Variants in PIK3C2G observed in about 807,000 individuals in gnomAD.
PIK3C2G encodes phosphatidylinositol-4-phosphate 3-kinase catalytic subunit type 2 gamma.
PIK3C2G carries 168 observed loss-of-function variants against 181.1 expected under a neutral mutation model. That is an observed-to-expected ratio of 0.93 (90% CI 0.82 to 1.05). PIK3C2G has a LOEUF of 1.05. Ranked by LOEUF, PIK3C2G falls within the 50% of genes least tolerant of loss-of-function variation. The probability of loss-of-function intolerance (pLI) is 0.00; values close to 1 mark genes in which losing one functional copy is unlikely to be tolerated. For synonymous variants in PIK3C2G, 573 were observed against 592.2 expected, an observed-to-expected ratio of 0.97 and a Z score of 0.47; for missense variants, 1,869 against 1,732.8, an observed-to-expected ratio of 1.08 and a Z score of -1.40.
At chr12:18,404,901 TTAGA>T (rs1405546040) in intron 16 of PIK3C2G, among the ~76,000 whole-genome samples, 4 of 151,866 alleles carry the variant, frequency 2.6e-5, no homozygotes, top group Non-Finnish European at 5.9e-5. Context: ...AGAAAGAATA[TTAGA>T]TAGATAATAG....
chr12:18,377,300 T>C (rs1176080896), intron 13 of PIK3C2G, among the ~76,000 whole-genome samples: 1 of 152,226 alleles, frequency 6.6e-6, no homozygotes, highest in Non-Finnish European at 1.5e-5. Context: ...AATTTTGTGT[T>C]GGCTTTTCTA....
At chr12:18,369,015 C>G (rs981792377) in intron 12 of PIK3C2G, among the ~76,000 whole-genome samples, 8 of 152,148 alleles carry the variant, frequency 5.3e-5, no homozygotes, top group African/African-American at 1.7e-4. Flanking sequence ...CAGTCCGCAC[C>G]TTTCAGTTGG....
chr12:18,385,185 G>T (rs1487689603), intron 14 of PIK3C2G, among the ~76,000 whole-genome samples: 2 of 152,108 alleles, frequency 1.3e-5, no homozygotes, highest in African/African-American at 4.8e-5. Context: ...TCTGCATAAT[G>T]AAAAGATTAT....
chr12:18,339,005 A>C (rs1342726026), intron 9 of PIK3C2G, among the ~76,000 whole-genome samples: 2 of 152,068 alleles, frequency 1.3e-5, no homozygotes, highest in African/African-American at 4.8e-5. Context: ...AAAAGAAAAA[A>C]TCAATTTTTG....
chr12:18,719,667 C>A, the PIK3C2G span: 9 of 1,429,600 alleles, frequency 6.3e-6, no homozygotes, highest in Non-Finnish European at 8.6e-6. Flanking sequence ...TAAAAGGATG[C>A]AAAAATACCA....
chr12:18,343,340 G>A lies in PIK3C2G; in HGVS notation c.1409G>A (p.Ser470Asn). 1 of 1,367,728 alleles carries A rather than the reference G, an allele frequency of 7.3e-7. No homozygotes were observed. 84.7% of individuals were successfully genotyped at this position (1,367,728 alleles called of 1,614,324 possible). A position where few individuals can be genotyped will look rare whatever the true frequency, so the allele number is the denominator to read the frequency against. Residue 470 changes from serine (S) to asparagine (N), a missense_variant, in exon 10 of 33, where the codon AGT (serine) becomes AAT (asparagine). Coordinates refer to ENST00000538779, the MANE Select transcript of PIK3C2G (RefSeq NM_001288772.2). ...LQRKGENFYQ[S>N]SETSAKGLIE... ...ATTTTTTTTCAGAATTTTTATCAAA[G>A]TTCAGAGACTTCAGCAAAAGGTAAA...
chr12:18,462,633 TTTG>T (rs1334015564), intron 18 of PIK3C2G, among the ~76,000 whole-genome samples: 3 of 152,226 alleles, frequency 2.0e-5, no homozygotes, highest in African/African-American at 4.8e-5. Flanking sequence ...CAACTGCATT[TTTG>T]TTGTTGTTGT....
chr12:18,634,007 C>T lies in PIK3C2G; in HGVS notation c.4183-6422C>T, dbSNP rs117092530. 8.6e-3 allele frequency among the ~76,000 whole-genome samples: 1,315 copies of T among 152,222 alleles called. 11 individuals carry two copies. Among genetic ancestry groups the T allele is most frequent in the Non-Finnish European group, 0.013 (915 of 68,022 alleles). On this transcript the variant is annotated intron_variant, in intron 31 of 32. Transcript: ENST00000538779. ...TGTGAATCTTGGCTATCAGAGAAAG[C>T]GCCATATATTGGATGCTGGTTCAGA...
chr12:18,694,470 G>A, the PIK3C2G span, among the ~76,000 whole-genome samples: 1 of 152,052 alleles, frequency 6.6e-6, no homozygotes, highest in African/African-American at 2.4e-5. Context: ...CAGACATATG[G>A]GGGGAAGAAT....
At chr12:18,406,295 G>T (rs568514568) in intron 16 of PIK3C2G, among the ~76,000 whole-genome samples, 24 of 152,160 alleles carry the variant, frequency 1.6e-4, no homozygotes, top group African/African-American at 5.3e-4. Context: ...GGACACTAAG[G>T]TTGCTTCTAT....
intron 31 of PIK3C2G, among the ~76,000 whole-genome samples, chr12:18,619,712 G>T (rs906274633): frequency 1.3e-5 from 2 of 150,844 alleles, no homozygotes; most frequent in Non-Finnish European, 2.9e-5. Context: ...ATTACATTAT[G>T]GTCAAAGAAC....
the PIK3C2G span, among the ~76,000 whole-genome samples, chr12:18,685,871 T>C: frequency 0.65 from 77,111 of 117,918 alleles, 22,148 homozygotes; most frequent in South Asian, 0.76. Flanking sequence ...CACACACACA[T>C]ACAATAATAT....
chr12:18,322,227 C>G (rs1217186437), intron 7 of PIK3C2G, among the ~76,000 whole-genome samples: 1 of 151,696 alleles, frequency 6.6e-6, no homozygotes, highest in East Asian at 1.9e-4. Flanking sequence ...ATTAAAAATA[C>G]AAAAATTAGC....
chr12:18,628,104 T>A (rs1451681242), intron 31 of PIK3C2G, among the ~76,000 whole-genome samples: 1 of 152,096 alleles, frequency 6.6e-6, no homozygotes, highest in Non-Finnish European at 1.5e-5. Flanking sequence ...CAATATAGGA[T>A]CGTGATTAGG....
Position 18,491,558 on chromosome 12 carries a change from T to C in PIK3C2G, c.2793T>C (p.Asp931=). 1.3e-6 allele frequency: 2 copies of C among 1,485,578 alleles called. No homozygotes were observed. Among genetic ancestry groups the C allele is most frequent in the South Asian group, 1.2e-5 (1 of 86,300 alleles). The allele number at this position is 1,485,578 out of a possible 1,614,324, so 92.0% of individuals were successfully genotyped here. The part of the protein sequence containing the change: ...PALCIKGIDH[D]ACSYFTSNAL... ...TATGTATAAAAGGGATTGATCACGA[T>C]GTAAGTCAACTTATTCCTCAGATTA... Residue 931 remains aspartate (D), a splice_region_variant and synonymous_variant, in exon 20 of 33, where the codon GAT becomes GAC. Coordinates refer to ENST00000538779, the MANE Select transcript of PIK3C2G (RefSeq NM_001288772.2).
chr12:18,507,768 A>C (rs1315423454), intron 24 of PIK3C2G, among the ~76,000 whole-genome samples: 1 of 152,182 alleles, frequency 6.6e-6, no homozygotes, highest in African/African-American at 2.4e-5. Flanking sequence ...GTGGTTTAAA[A>C]TGAAAAAAGA....
At chr12:18,335,540 T>G (rs1938451291) in intron 8 of PIK3C2G, among the ~76,000 whole-genome samples, 1 of 152,096 alleles carries the variant, frequency 6.6e-6, no homozygotes, top group Non-Finnish European at 1.5e-5. Context: ...AGAACTCCCT[T>G]GCATTTCCTC....
chr12:18,639,492 T>C (rs186533517), intron 31 of PIK3C2G, among the ~76,000 whole-genome samples: 1 of 152,324 alleles, frequency 6.6e-6, no homozygotes, highest in East Asian at 1.9e-4. Flanking sequence ...TAAATATAAA[T>C]TATACAAATA....
At chr12:18,667,282 T>C in the PIK3C2G span, among the ~76,000 whole-genome samples, 4 of 152,140 alleles carry the variant, frequency 2.6e-5, no homozygotes, top group African/African-American at 7.2e-5. Context: ...CTTAGAGATA[T>C]GTGTAATATC....
Sources: gnomAD v4.1 joint callset for allele counts (sites outside exome capture counted in the v4.1 genomes callset) on GRCh38, gnomAD v4.1.1 for gene constraint, MANE v1.5 for transcripts, NCBI Gene and HGNC (gene_info 2026-07-23, HGNC 2026-07-21) for gene names.